KLF13: variants seen among roughly 807,000 people sequenced by gnomAD.
The protein encoded by KLF13 is KLF transcription factor 13, also known as Krueppel-like factor 13.
Under a neutral mutation model 16.7 loss-of-function variants are expected in KLF13, and 8 were observed. The ratio of observed to expected loss-of-function variants is 0.48; its 90% CI spans 0.28 to 0.87. KLF13 has a LOEUF of 0.87. KLF13 is among the 40% of genes least tolerant of loss of function. The pLI, the probability that KLF13 is intolerant of heterozygous loss-of-function variation, is 0.10. For synonymous variants in KLF13, 245 were observed against 208.4 expected, an observed-to-expected ratio of 1.18 and a Z score of -1.51; for missense variants, 447 against 452.2, an observed-to-expected ratio of 0.99 and a Z score of 0.10.
chr15:31,369,645 G>A (rs1375314410), intron 1 of KLF13, among the ~76,000 whole-genome samples: 1 of 152,072 alleles, frequency 6.6e-6, no homozygotes, highest in Non-Finnish European at 1.5e-5. Context: ...TTTCCTCCTG[G>A]AATTTTCCCC....
At chr15:31,397,966 G>T (rs745611547) in intron 2 of KLF13, among the ~76,000 whole-genome samples, 8 of 152,028 alleles carry the variant, frequency 5.3e-5, no homozygotes, top group Non-Finnish European at 8.8e-5. Context: ...GCCTCTCCAG[G>T]AAAACACCAC....
At chr15:31,392,461 C>T (rs369166753), upstream of KLF13, among the ~76,000 whole-genome samples, 18 of 152,304 alleles carry the variant, frequency 1.2e-4, no homozygotes, top group East Asian at 2.9e-3. Flanking sequence ...CCGCCCTGCT[C>T]TCCCAGCTCT....
downstream of KLF13, among the ~76,000 whole-genome samples, chr15:31,380,322 TC>T (rs2039708499): frequency 3.3e-5 from 5 of 152,100 alleles, no homozygotes; most frequent in Admixed American, 3.3e-4. Context: ...AAGAAGGACT[TC>T]CCATTCCTTG....
chr15:31,342,426 A>C (rs541242605), intron 1 of KLF13, among the ~76,000 whole-genome samples: 1 of 152,318 alleles, frequency 6.6e-6, no homozygotes, highest in African/African-American at 2.4e-5. Flanking sequence ...GCACCATGAC[A>C]GGTTTCTTAA....
chr15:31,434,522 G>A (rs552757285), intron 1 of KLF13, among the ~76,000 whole-genome samples: 7 of 152,306 alleles, frequency 4.6e-5, no homozygotes, highest in African/African-American at 1.4e-4. Context: ...GGCTGTGGAT[G>A]GAGGTGGGAG....
At position 31,431,305 on chromosome 15, in the gene KLF13, G is replaced by A. The variant is rs183504365; in HGVS notation, n.118-4065G>A. ...TGTTGTTTAAGCCATCCAGTGTGTG[G>A]TATTATTATTTTTTATTATCTCAGC... On this transcript the variant is annotated intron_variant and non_coding_transcript_variant, in intron 1 of 1. Coordinates refer to the KLF13 transcript ENST00000558225. Among the ~76,000 whole-genome samples, 30 of 152,124 alleles carry A rather than the reference G, an allele frequency of 2.0e-4. No homozygotes were observed. The East Asian group carries it at 2.5e-3, about 13-fold the overall frequency.
downstream of KLF13, among the ~76,000 whole-genome samples, chr15:31,382,379 T>G (rs1373502377): frequency 6.6e-6 from 1 of 152,164 alleles, no homozygotes; most frequent in East Asian, 1.9e-4. Flanking sequence ...GAAGTGGCCT[T>G]CTCAAGGTCA....
In KLF13 at chr15:31,372,478, C is replaced by G. The variant is rs1341249720; in HGVS notation, c.*179C>G. ...AAAAAAACACAAAAATTTCAAAAAA[C>G]ACCACCCACCAAATTGCACAATAGA... On this transcript the variant is annotated 3_prime_UTR_variant, in exon 2 of 2. Coordinates refer to ENST00000307145, the MANE Select transcript of KLF13 (RefSeq NM_015995.4). The G allele has an allele frequency of 8.8e-6, 6 of 682,958 alleles. No individual in the cohort carries two copies. Among genetic ancestry groups the G allele is most frequent in the Non-Finnish European group, 1.1e-5 (5 of 435,872 alleles). The allele number at this position is 682,958 out of a possible 1,614,324, so 42.3% of individuals were successfully genotyped here. A position where few individuals can be genotyped will look rare whatever the true frequency, so the allele number is the denominator to read the frequency against.
At chr15:31,351,283 G>A (rs2039210915) in intron 1 of KLF13, among the ~76,000 whole-genome samples, 6 of 152,218 alleles carry the variant, frequency 3.9e-5, no homozygotes, top group Admixed American at 2.6e-4. Context: ...AGGATGATTT[G>A]AGAAACAGGA....
rs2040356080 is a variant in KLF13 at position 31,423,132 on chromosome 15, CGTATACGT to C, written n.118-12237_118-12230del. ...GTATACGTATATATACGTATATATA[CGTATACGT>C]ATACGTATATATACGTATATATATG... On this transcript the variant is annotated intron_variant and non_coding_transcript_variant, in intron 1 of 1. Transcript: ENST00000558225. Among the ~76,000 whole-genome samples the C allele has an allele frequency of 3.9e-5, 2 of 50,828 alleles. 1 individual carries two copies. Among genetic ancestry groups the C allele is most frequent in the East Asian group, 1.4e-3 (2 of 1,456 alleles). 33.3% of individuals were successfully genotyped at this position (50,828 alleles called of 152,430 possible). A position where few individuals can be genotyped will look rare whatever the true frequency, so the allele number is the denominator to read the frequency against.
At chr15:31,393,480 C>G (rs2039905823) in intron 1 of KLF13, 1 of 149,676 alleles carries the variant, frequency 6.7e-6, no homozygotes, top group Non-Finnish European at 1.5e-5. Flanking sequence ...GGTTTCAGAG[C>G]CAGGGCAGGG....
intron 1 of KLF13, among the ~76,000 whole-genome samples, chr15:31,336,823 G>C (rs1198753303): frequency 6.6e-6 from 1 of 152,138 alleles, no homozygotes; most frequent in Non-Finnish European, 1.5e-5. Flanking sequence ...GCCACTGGCT[G>C]GGGTGCTGCT....
chr15:31,411,717 T>G (rs1482961952), intron 1 of KLF13, among the ~76,000 whole-genome samples: 1 of 152,128 alleles, frequency 6.6e-6, no homozygotes, highest in African/African-American at 2.4e-5. Context: ...AACAAAAATT[T>G]TTTAAAAAAG....
At chr15:31,332,116 T>C (rs1241545900) in intron 1 of KLF13, among the ~76,000 whole-genome samples, 2 of 152,210 alleles carry the variant, frequency 1.3e-5, no homozygotes, top group African/African-American at 4.8e-5. Flanking sequence ...TGTGTCTTGG[T>C]GCAGAGGAGC....
At chr15:31,351,741 G>A (rs2039220183) in intron 1 of KLF13, among the ~76,000 whole-genome samples, 1 of 152,194 alleles carries the variant, frequency 6.6e-6, no homozygotes, top group African/African-American at 2.4e-5. Context: ...ACCGGGCGCG[G>A]TGGCTCATGC....
chr15:31,334,506 C>T (rs1047895953), intron 1 of KLF13, among the ~76,000 whole-genome samples: 1 of 152,104 alleles, frequency 6.6e-6, no homozygotes, highest in African/African-American at 2.4e-5. Context: ...CGGCTCACTG[C>T]AACCTCCGCC....
chr15:31,432,869 C>A (rs2040490100), intron 1 of KLF13, among the ~76,000 whole-genome samples: 1 of 152,052 alleles, frequency 6.6e-6, no homozygotes, highest in Non-Finnish European at 1.5e-5. Flanking sequence ...AATCCCAACA[C>A]TTTGGGAGGC....
At chr15:31,432,083 GTATGT>G (rs2040479123) in intron 1 of KLF13, among the ~76,000 whole-genome samples, 1 of 152,172 alleles carries the variant, frequency 6.6e-6, no homozygotes, top group Non-Finnish European at 1.5e-5. Context: ...TTTTCTGGAT[GTATGT>G]TATATTTCAC....
At chr15:31,401,669 T>C (rs990262902) in intron 2 of KLF13, among the ~76,000 whole-genome samples, 1 of 152,174 alleles carries the variant, frequency 6.6e-6, no homozygotes, top group African/African-American at 2.4e-5. Context: ...AAGACTATAT[T>C]GTGCCCATTT....
Sources: allele counts gnomAD v4.1 joint callset (sites outside exome capture counted in the v4.1 genomes callset), GRCh38; gene constraint gnomAD v4.1.1; transcripts MANE v1.5; gene names NCBI Gene and HGNC (gene_info 2026-07-23, HGNC 2026-07-21).